LHFPL6: variants seen among roughly 807,000 people sequenced by gnomAD.
The protein encoded by LHFPL6 is LHFPL tetraspan subfamily member 6 protein.
LHFPL6 carries 9 observed loss-of-function variants against 20.6 expected under a neutral mutation model. That is an observed-to-expected ratio of 0.44 (90% CI 0.26 to 0.76). The LOEUF (loss-of-function observed/expected upper bound fraction) is 0.76, where lower values mean the gene tolerates loss of function less well. LHFPL6 is among the 30% of genes least tolerant of loss of function. The probability of loss-of-function intolerance (pLI) is 0.20; values close to 1 mark genes in which losing one functional copy is unlikely to be tolerated. For missense variants in LHFPL6, 218 were observed against 253.5 expected, an observed-to-expected ratio of 0.86 and a Z score of 0.95; for synonymous variants, 105 against 98.7, an observed-to-expected ratio of 1.06 and a Z score of -0.38.
chr13:39,601,196 A>G lies in LHFPL6; in HGVS notation c.21T>C (p.Cys7=). 6.2e-7 allele frequency: 1 copy of G among 1,612,526 alleles called. No individual in the cohort carries two copies. Among genetic ancestry groups the G allele is most frequent in the African/African-American group, 1.3e-5 (1 of 75,030 alleles). MASSLT[C]TGVIWALLSF... ...ACAGCAAAGCCCAGATTACTCCAGT[A>G]CAAGTCAGGCTGGATGCCATCTTTC... Residue 7 remains cysteine (C), a synonymous_variant, in exon 2 of 4, where the codon TGT becomes TGC. Transcript: ENST00000379589.
chr13:39,370,840 TG>T (rs1379320361), intron 3 of LHFPL6, among the ~76,000 whole-genome samples: 1 of 152,266 alleles, frequency 6.6e-6, no homozygotes, highest in African/African-American at 2.4e-5. Flanking sequence ...CAGGTTCTCT[TG>T]CTTGAGAAGC....
At chr13:39,498,959 C>G (rs1038659220) in intron 2 of LHFPL6, among the ~76,000 whole-genome samples, 1 of 152,174 alleles carries the variant, frequency 6.6e-6, no homozygotes, top group Non-Finnish European at 1.5e-5. Context: ...CTCCCAGGTT[C>G]GACTGATTCT....
At chr13:39,459,511 C>T (rs1396879115) in intron 2 of LHFPL6, among the ~76,000 whole-genome samples, 1 of 152,088 alleles carries the variant, frequency 6.6e-6, no homozygotes, top group Non-Finnish European at 1.5e-5. Context: ...AGGTAGCTGA[C>T]TCGTCAGTAA....
At chr13:39,574,482 CAA>C (rs796821570) in intron 2 of LHFPL6, among the ~76,000 whole-genome samples, 18 of 59,926 alleles carry the variant, frequency 3.0e-4, no homozygotes, top group African/African-American at 2.6e-4. Flanking sequence ...GACTCCGTCT[CAA>C]AAAAAAAAAA....
intron 2 of LHFPL6, among the ~76,000 whole-genome samples, chr13:39,513,832 T>C (rs527924363): frequency 1.3e-5 from 2 of 152,322 alleles, no homozygotes; most frequent in South Asian, 4.1e-4. Flanking sequence ...TCACATAATG[T>C]CTTTCTATTT....
chr13:39,510,442 T>C (rs557659328), intron 2 of LHFPL6, among the ~76,000 whole-genome samples: 1 of 152,292 alleles, frequency 6.6e-6, no homozygotes, highest in East Asian at 1.9e-4. Context: ...TCCCCAGGGG[T>C]AGGTCATTAG....
intron 2 of LHFPL6, among the ~76,000 whole-genome samples, chr13:39,570,587 G>A (rs1474516534): frequency 1.3e-5 from 2 of 150,888 alleles, no homozygotes; most frequent in Non-Finnish European, 2.9e-5. Context: ...AATATATAAT[G>A]TATATATTAG....
Position 39,474,781 on chromosome 13 carries a change from A to T in LHFPL6, c.386-96255T>A, listed in dbSNP as rs1873038979. ...GAGCTCACGGACCCATGGTGGGGGC[A>T]GGCCAGTACCACAGACAGCGATGCA... On this transcript the variant is annotated intron_variant, in intron 2 of 3. Transcript: ENST00000379589. 2.0e-5 allele frequency among the ~76,000 whole-genome samples: 3 copies of T among 152,174 alleles called. No individual in the cohort carries two copies. The South Asian group carries it at 6.2e-4, about 32-fold the overall frequency.
chr13:39,380,249 T>C (rs1258082570), intron 2 of LHFPL6, among the ~76,000 whole-genome samples: 1 of 152,056 alleles, frequency 6.6e-6, no homozygotes, highest in Non-Finnish European at 1.5e-5. Context: ...TTGTGAACAA[T>C]TTTTTTTAAA....
At chr13:39,520,906 T>C (rs140875505) in intron 2 of LHFPL6, among the ~76,000 whole-genome samples, 1 of 152,154 alleles carries the variant, frequency 6.6e-6, no homozygotes, top group Non-Finnish European at 1.5e-5. Context: ...CAAGGTGATT[T>C]CATTGTGCAA....
rs534994336 is a variant in LHFPL6, at chr13:39,494,772, C to T, written c.385+106060G>A. ...GATTTAATTGGAATCAAATGTGCCA[C>T]ACTTACCATACTGACATAGTCACAA... On this transcript the variant is annotated intron_variant, in intron 2 of 3. Coordinates refer to ENST00000379589, the MANE Select transcript of LHFPL6 (RefSeq NM_005780.3). Among the ~76,000 whole-genome samples, 6 of 152,318 alleles carry T rather than the reference C, an allele frequency of 3.9e-5. No homozygotes were observed. In the East Asian group the frequency reaches 1.2e-3, roughly 29 times the overall value.
chr13:39,389,081 C>T (rs2138368927), intron 2 of LHFPL6, among the ~76,000 whole-genome samples: 1 of 152,264 alleles, frequency 6.6e-6, no homozygotes, highest in East Asian at 1.9e-4. Context: ...TACACTATCT[C>T]CTGCAAAAAC....
intron 2 of LHFPL6, among the ~76,000 whole-genome samples, chr13:39,469,461 A>G (rs1872890418): frequency 6.6e-6 from 1 of 152,162 alleles, no homozygotes; most frequent in Non-Finnish European, 1.5e-5. Context: ...CCACTGTGGA[A>G]TATAGGCAGC....
intron 2 of LHFPL6, among the ~76,000 whole-genome samples, chr13:39,426,503 AG>A (rs1871642499): frequency 3.9e-5 from 6 of 152,252 alleles, no homozygotes; most frequent in Middle Eastern, 3.4e-3. Context: ...TAAAGGTGTG[AG>A]CCATCGCGCC....
chr13:39,354,898 T>C (rs565663067), intron 3 of LHFPL6, among the ~76,000 whole-genome samples: 1 of 151,618 alleles, frequency 6.6e-6, no homozygotes, highest in South Asian at 2.1e-4. Context: ...TTGAGAAATA[T>C]GGGACTATGG....
chr13:39,443,489 G>A (rs919805689), intron 2 of LHFPL6, among the ~76,000 whole-genome samples: 2 of 152,268 alleles, frequency 1.3e-5, no homozygotes, highest in African/African-American at 4.8e-5. Context: ...GTAATGCATA[G>A]AGGCTGGAAA....
chr13:39,567,494 A>T (rs1218092401), intron 2 of LHFPL6, among the ~76,000 whole-genome samples: 1 of 152,196 alleles, frequency 6.6e-6, no homozygotes, highest in African/African-American at 2.4e-5. Flanking sequence ...GATCTAACAG[A>T]CTTTTTCCAT....
intron 2 of LHFPL6, among the ~76,000 whole-genome samples, chr13:39,445,496 TCA>T (rs773436692): frequency 1.2e-4 from 19 of 152,212 alleles, no homozygotes; most frequent in South Asian, 2.1e-4. Context: ...AGGAGAATGC[TCA>T]GTCTTAGTAT....
intron 2 of LHFPL6, among the ~76,000 whole-genome samples, chr13:39,397,418 G>A (rs2138376027): frequency 6.6e-6 from 1 of 152,316 alleles, no homozygotes; most frequent in Non-Finnish European, 1.5e-5. Flanking sequence ...TTACACGTCA[G>A]ACATAGTTAA....
Sources: allele counts gnomAD v4.1 joint callset (sites outside exome capture counted in the v4.1 genomes callset), GRCh38; gene constraint gnomAD v4.1.1; transcripts MANE v1.5; gene names NCBI Gene and HGNC (gene_info 2026-07-23, HGNC 2026-07-21).